AAMDC: variants seen among roughly 807,000 people sequenced by gnomAD.
AAMDC encodes the protein mth938 domain-containing protein.
Under a neutral mutation model 15.5 loss-of-function variants are expected in AAMDC, and 16 were observed. That is an observed-to-expected ratio of 1.03 (90% confidence interval 0.70 to 1.57). The LOEUF is 1.57. Ranked by LOEUF, AAMDC falls within the 40% of genes most tolerant of loss-of-function variation. The pLI, the probability that AAMDC is intolerant of heterozygous loss-of-function variation, is 0.00. For synonymous variants in AAMDC, 51 were observed against 51.6 expected, an observed-to-expected ratio of 0.99 and a Z score of 0.05; for missense variants, 141 against 144.9, an observed-to-expected ratio of 0.97 and a Z score of 0.14.
chr11:77,869,672 A>G (rs749990904), intron 2 of AAMDC, 50 bp from the exon 3 acceptor site: 2 of 1,526,890 alleles, frequency 1.3e-6, no homozygotes, highest in South Asian at 2.2e-5. Context: ...TGCCTATTGC[A>G]ATGAAAGATT....
intron 2 of AAMDC, among the ~76,000 whole-genome samples, chr11:77,862,306 G>A (rs2136256572): frequency 6.6e-6 from 1 of 152,302 alleles, no homozygotes; most frequent in South Asian, 2.1e-4. Flanking sequence ...TTTGGCGTTA[G>A]TGTCTGATTT....
At chr11:77,823,621 CA>C (rs397970373) in intron 1 of AAMDC, among the ~76,000 whole-genome samples, 238 of 97,630 alleles carry the variant, frequency 2.4e-3, no homozygotes, top group Non-Finnish European at 3.4e-3. Flanking sequence ...CACCCTGTCT[CA>C]AAAAAAAAAA....
chr11:77,899,703 T>C (rs992421574), intron 5 of AAMDC, among the ~76,000 whole-genome samples: 53 of 151,972 alleles, frequency 3.5e-4, no homozygotes, highest in Non-Finnish European at 6.3e-4. Flanking sequence ...TAAAATATTA[T>C]AGCATGAGTA....
At chr11:77,824,639 C>G (rs1189882255) in intron 1 of AAMDC, among the ~76,000 whole-genome samples, 8 of 152,134 alleles carry the variant, frequency 5.3e-5, no homozygotes, top group African/African-American at 1.9e-4. Flanking sequence ...AGGTACTGTA[C>G]AATTCCATCA....
chr11:77,837,355 T>C (rs1949728025), intron 1 of AAMDC, among the ~76,000 whole-genome samples: 1 of 152,000 alleles, frequency 6.6e-6, no homozygotes, highest in African/African-American at 2.4e-5. Flanking sequence ...CAGGCTGGTC[T>C]CTTAACTCCT....
chr11:77,872,061 G>A lies in AAMDC; in HGVS notation c.229-114G>A, dbSNP rs532164361. ...TGGACTGGTGATACACTGAGTGATC[G>A]TGAAGTGACGATTGTCACTGTCTAA... On this transcript the variant is annotated intron_variant, in intron 3 of 3. Coordinates refer to ENST00000393427, the MANE Select transcript of AAMDC (RefSeq NM_024684.4). The A allele has an allele frequency of 2.5e-5, 30 of 1,198,156 alleles. No individual in the cohort carries two copies. The Admixed American group carries it at 3.6e-4, about 14-fold the overall frequency. The allele number at this position is 1,198,156 out of a possible 1,614,324, so 74.2% of individuals were successfully genotyped here.
Position 77,891,462 on chromosome 11 carries a change from T to C in AAMDC, c.329-9109T>C. On this transcript the variant is annotated intron_variant, in intron 5 of 5. Coordinates refer to the AAMDC transcript ENST00000304716. ...ATGATGGTGGCTGAGGCTTTGTGGA[T>C]CTGTAAGCAAGAGGAAAATCCTATG... 8 of 1,613,712 alleles carry C rather than the reference T, an allele frequency of 5.0e-6. No homozygotes were observed. The highest frequency in any genetic ancestry group is 6.8e-6 in the Non-Finnish European group (8 of 1,179,776).
At chr11:77,854,473 T>C (rs1363618084) in intron 2 of AAMDC, among the ~76,000 whole-genome samples, 1 of 152,172 alleles carries the variant, frequency 6.6e-6, no homozygotes, top group Non-Finnish European at 1.5e-5. Context: ...AGTGAGAAAT[T>C]ATCCAAAACA....
At chr11:77,870,816 A>G (rs1951395720) in intron 3 of AAMDC, among the ~76,000 whole-genome samples, 1 of 152,214 alleles carries the variant, frequency 6.6e-6, no homozygotes, top group African/African-American at 2.4e-5. Context: ...ACATATAGAT[A>G]TACGTTTATA....
chr11:77,821,740 T>G (rs1590911366), intron 1 of AAMDC, among the ~76,000 whole-genome samples: 1 of 152,036 alleles, frequency 6.6e-6, no homozygotes. Flanking sequence ...GCGGGGGCAG[T>G]GAACATTCCC....
At chr11:77,850,771 CACAT>C (rs1565205177) in intron 2 of AAMDC, 1 of 102,968 alleles carries the variant, frequency 9.7e-6, no homozygotes, top group African/African-American at 4.9e-5. Flanking sequence ...AACACACACA[CACAT>C]ACACACACAT....
At chr11:77,867,642 A>G (rs185230513) in intron 2 of AAMDC, among the ~76,000 whole-genome samples, 1 of 152,362 alleles carries the variant, frequency 6.6e-6, no homozygotes, top group Non-Finnish European at 1.5e-5. Flanking sequence ...CAGTGCTAAA[A>G]GCATTGTCCT....
downstream of AAMDC, chr11:77,901,343 T>G: frequency 6.3e-6 from 9 of 1,428,044 alleles, no homozygotes; most frequent in Non-Finnish European, 6.9e-6. Context: ...TATCATTAAC[T>G]TTCGTGTGAT....
chr11:77,846,662 C>T (rs570228337), intron 2 of AAMDC, among the ~76,000 whole-genome samples: 7 of 152,242 alleles, frequency 4.6e-5, no homozygotes, highest in African/African-American at 1.2e-4. Context: ...GCCAAGATTG[C>T]GCCATTGCAC....
chr11:77,897,443 T>C (rs554626848), intron 5 of AAMDC, among the ~76,000 whole-genome samples: 69 of 151,518 alleles, frequency 4.6e-4, no homozygotes, highest in Non-Finnish European at 7.9e-4. Context: ...AACATAAAAA[T>C]TAATAGAAGC....
At chr11:77,904,390 C>T (rs1416503271), downstream of AAMDC, among the ~76,000 whole-genome samples, 1 of 152,164 alleles carries the variant, frequency 6.6e-6, no homozygotes, top group African/African-American at 2.4e-5. Context: ...GATACAAAGA[C>T]TAAGTTAATT....
intron 5 of AAMDC, among the ~76,000 whole-genome samples, chr11:77,881,742 C>G (rs1419680426): frequency 8.5e-5 from 13 of 152,164 alleles, no homozygotes. Context: ...AAGCAAGTTC[C>G]CTGCTCTATA....
intron 2 of AAMDC, among the ~76,000 whole-genome samples, chr11:77,853,011 A>AT (rs894356052): frequency 1.5e-4 from 22 of 151,314 alleles, no homozygotes; most frequent in African/African-American, 3.6e-4. Flanking sequence ...AACCATGTAC[A>AT]TTTTTTTTTG....
intron 1 of AAMDC, among the ~76,000 whole-genome samples, chr11:77,840,833 G>A (rs1013200551): frequency 1.3e-5 from 2 of 152,136 alleles, no homozygotes; most frequent in African/African-American, 4.8e-5. Context: ...ATGGCATCCA[G>A]CCTGGCGAAA....
Sources: allele counts gnomAD v4.1 joint callset (sites outside exome capture counted in the v4.1 genomes callset), GRCh38; gene constraint gnomAD v4.1.1; transcripts MANE v1.5; gene names NCBI Gene and HGNC (gene_info 2026-07-23, HGNC 2026-07-21).